The following SPATS2 variants were observed in gnomAD, a reference collection of about 807,000 sequenced individuals.
The protein encoded by SPATS2 is spermatogenesis associated serine rich 2, also known as spermatogenesis-associated serine-rich protein 2.
A neutral mutation model predicts 63.7 loss-of-function variants in SPATS2; 38 were observed. The observed-to-expected ratio is 0.60, with a 90% confidence interval of 0.46 to 0.78. The LOEUF is 0.78. Ranked by LOEUF, SPATS2 falls within the 30% of genes least tolerant of loss-of-function variation. The pLI, the probability that SPATS2 is intolerant of heterozygous loss-of-function variation, is 0.00. For missense variants in SPATS2, 588 were observed against 666.2 expected (o/e 0.88, Z 1.29); for synonymous variants, 207 against 232.9 (o/e 0.89, Z 1.01).
At chr12:49,389,845 G>A in intron 2 of SPATS2, 1 of 864,234 alleles carries the variant, frequency 1.2e-6, no homozygotes, top group South Asian at 1.3e-5. Context: ...CAAATGGTTA[G>A]ATTGCTAATG....
chr12:49,466,117 A>T (rs1333644933), intron 3 of SPATS2, among the ~76,000 whole-genome samples: 1 of 146,900 alleles, frequency 6.8e-6, no homozygotes, highest in African/African-American at 2.5e-5. Context: ...TTATAGTTTT[A>T]TCTCATATAT....
Position 49,526,136 on chromosome 12 carries a change from T to C in SPATS2, c.1519T>C (p.Ser507Pro), listed in dbSNP as rs551882509. The C allele has an allele frequency of 6.4e-5, 103 of 1,614,178 alleles. No individual in the cohort carries two copies. The East Asian group carries it at 2.3e-3, about 35-fold the overall frequency. ...CACCATTGAAAGAGGCCAGACTCAC[T>C]CTGCAGGGACCAATGGAACTGGAGT... ...GNTIERGQTH[S>P]AGTNGTGVSM... Residue 507 changes from serine (S) to proline (P), a missense_variant, in exon 14 of 14, where the codon TCT becomes CCT. Physicochemically the swap from Ser to Pro is moderately conservative, Grantham distance 74. Coordinates refer to ENST00000552918, the MANE Select transcript of SPATS2 (RefSeq NM_023071.4).
At position 49,465,670 on chromosome 12, in the gene SPATS2, G is replaced by A. The variant is rs548094274; in HGVS notation, c.25+4633G>A. Among the ~76,000 whole-genome samples the A allele has an allele frequency of 4.1e-4, 63 of 152,206 alleles. No individual in the cohort carries two copies. In the South Asian group the frequency reaches 7.5e-3, roughly 18 times the overall value. ...TTCTACTTTTCTTAATGGGCCGGGC[G>A]CGGTGGCTCACAGCTATAATCCCAG... On this transcript the variant is annotated intron_variant, in intron 3 of 13. Transcript: ENST00000552918.
At chr12:49,427,368 A>G (rs1476218846) in intron 2 of SPATS2, among the ~76,000 whole-genome samples, 1 of 152,246 alleles carries the variant, frequency 6.6e-6, no homozygotes. Context: ...ATCATTGCAT[A>G]TAGTTGACAC....
At chr12:49,453,322 T>A (rs1297303730) in intron 2 of SPATS2, among the ~76,000 whole-genome samples, 1 of 152,112 alleles carries the variant, frequency 6.6e-6, no homozygotes, top group African/African-American at 2.4e-5. Context: ...AAACTGGACA[T>A]TTTAGCTACT....
chr12:49,508,408 A>G (rs1036583280), intron 9 of SPATS2, among the ~76,000 whole-genome samples: 2 of 152,020 alleles, frequency 1.3e-5, no homozygotes, highest in Non-Finnish European at 2.9e-5. Context: ...GAGTTTCACC[A>G]TGTTGGCCAG....
At chr12:49,437,938 C>T (rs1024128578) in intron 2 of SPATS2, among the ~76,000 whole-genome samples, 12 of 151,826 alleles carry the variant, frequency 7.9e-5, no homozygotes, top group African/African-American at 2.2e-4. Context: ...AAGTTTTTTC[C>T]CTAGATTTTA....
At position 49,513,199 on chromosome 12, in the gene SPATS2, G is replaced by A. The variant is rs745933784; in HGVS notation, c.840-1356G>A. Among the ~76,000 whole-genome samples the A allele has an allele frequency of 6.1e-5, 9 of 147,880 alleles. No individual in the cohort carries two copies. In the South Asian group the frequency reaches 1.3e-3, roughly 21 times the overall value. ...GTATTGAGCTAAATTGAATTAGAGC[G>A]AGAGAGAAAGAGTGTGTGTGTGTGT... On this transcript the variant is annotated intron_variant, in intron 9 of 13. Transcript: ENST00000552918.
chr12:49,429,597 C>T lies in SPATS2; in HGVS notation c.-243-31173C>T, dbSNP rs369795939. Among the ~76,000 whole-genome samples, 72 of 151,840 alleles carry T rather than the reference C, an allele frequency of 4.7e-4. No individual in the cohort carries two copies. The South Asian group carries it at 0.012, about 26-fold the overall frequency. ...AGCAGCTAGGGTTACAAGCATGTGC[C>T]ACCACGTACCCAGCTAATTTTTGTA... is the stretch of plus-strand genomic sequence containing the variant. On this transcript the variant is annotated intron_variant, in intron 2 of 13. Coordinates refer to ENST00000552918, the MANE Select transcript of SPATS2 (RefSeq NM_023071.4).
chr12:49,399,820 G>T (rs574725221), intron 2 of SPATS2, among the ~76,000 whole-genome samples: 4 of 152,184 alleles, frequency 2.6e-5, no homozygotes, highest in Admixed American at 2.6e-4. Flanking sequence ...GGCGGATCAC[G>T]AGGTCAGGAG....
At chr12:49,422,443 T>TG (rs1945000011) in intron 2 of SPATS2, among the ~76,000 whole-genome samples, 1 of 152,222 alleles carries the variant, frequency 6.6e-6, no homozygotes, top group African/African-American at 2.4e-5. Flanking sequence ...ACTAAAAAGT[T>TG]GCAGTCATTT....
chr12:49,511,358 G>C (rs765468953), intron 9 of SPATS2, among the ~76,000 whole-genome samples: 2 of 152,094 alleles, frequency 1.3e-5, no homozygotes, highest in African/African-American at 2.4e-5. Flanking sequence ...TTGAAGAAAG[G>C]ATATGGAAAT....
intron 6 of SPATS2, 118 bp downstream of exon 6, chr12:49,490,849 A>G: frequency 1.0e-6 from 1 of 990,418 alleles, no homozygotes; most frequent in South Asian, 1.6e-5. Context: ...ACCTGGTTAA[A>G]AAACATCTTT....
chr12:49,462,685 G>A (rs1945842768), intron 3 of SPATS2: 1 of 565,018 alleles, frequency 1.8e-6, no homozygotes, highest in Non-Finnish European at 3.2e-6. Flanking sequence ...TAGCAGGAAG[G>A]GGAGCTGAAA....
intron 2 of SPATS2, among the ~76,000 whole-genome samples, chr12:49,458,649 G>T (rs1041199917): frequency 6.6e-6 from 1 of 151,742 alleles, no homozygotes; most frequent in Non-Finnish European, 1.5e-5. Flanking sequence ...GCATGGTGGT[G>T]CATGCCTACA....
intron 11 of SPATS2, among the ~76,000 whole-genome samples, chr12:49,521,992 G>A (rs1030696880): frequency 3.3e-5 from 5 of 150,788 alleles, no homozygotes; most frequent in African/African-American, 1.2e-4. Context: ...ATTATATCTA[G>A]GCCTTTCACT....
chr12:49,462,428 T>C, intron 3 of SPATS2: 1 of 702,336 alleles, frequency 1.4e-6, no homozygotes, highest in Non-Finnish European at 2.6e-6. Context: ...CCAGAGGGCA[T>C]GTTACAGTGC....
At chr12:49,442,411 TAATC>T (rs961577307) in intron 2 of SPATS2, 4 of 153,016 alleles carry the variant, frequency 2.6e-5, no homozygotes, top group African/African-American at 9.7e-5. Context: ...TATTTGATAT[TAATC>T]AAACTAGGCT....
chr12:49,463,578 A>T (rs1204620988), intron 3 of SPATS2: 3 of 152,174 alleles, frequency 2.0e-5, no homozygotes, highest in Non-Finnish European at 4.4e-5. Flanking sequence ...TGCATGTCTG[A>T]TATTTGGTCC....
Sources: gnomAD v4.1 joint callset for allele counts (sites outside exome capture counted in the v4.1 genomes callset) on GRCh38, gnomAD v4.1.1 for gene constraint, MANE v1.5 for transcripts, NCBI Gene and HGNC (gene_info 2026-07-23, HGNC 2026-07-21) for gene names.